Variants in DNER observed in about 807,000 individuals in gnomAD.
The protein encoded by DNER is delta and Notch-like epidermal growth factor-related receptor.
A neutral mutation model predicts 78.2 loss-of-function variants in DNER; 33 were observed. That is an observed-to-expected ratio of 0.42 (90% CI 0.32 to 0.56). The LOEUF is 0.56. DNER is among the 20% of genes least tolerant of loss of function. The pLI, the probability that DNER is intolerant of heterozygous loss-of-function variation, is 0.11. For synonymous variants in DNER, 417 were observed against 384.8 expected (o/e 1.08, Z -0.98); for missense variants, 918 against 975.3 (o/e 0.94, Z 0.78).
chr2:229,596,937 G>T (rs1697725639), intron 1 of DNER, among the ~76,000 whole-genome samples: 1 of 151,912 alleles, frequency 6.6e-6, no homozygotes, highest in South Asian at 2.1e-4. Flanking sequence ...ACACGCACAT[G>T]CACATGCATG....
At chr2:229,706,152 C>A (rs762951452) in intron 1 of DNER, among the ~76,000 whole-genome samples, 5 of 151,976 alleles carry the variant, frequency 3.3e-5, no homozygotes, top group African/African-American at 7.3e-5. Context: ...AGCCTTGGGC[C>A]AAGTCCAATA....
chr2:229,649,116 T>G (rs1698768811), intron 1 of DNER, among the ~76,000 whole-genome samples: 1 of 152,230 alleles, frequency 6.6e-6, no homozygotes. Flanking sequence ...AAGAAAAGGC[T>G]GGACAACAGC....
At chr2:229,447,783 T>C (rs2193899) in intron 7 of DNER, among the ~76,000 whole-genome samples, 16,874 of 152,160 alleles carry the variant, frequency 0.11, 1,110 homozygotes, top group South Asian at 0.23. Context: ...TAGGAGTACA[T>C]ACATACGTGT....
At chr2:229,362,777 C>T (rs1262864318) in intron 12 of DNER, among the ~76,000 whole-genome samples, 4 of 152,186 alleles carry the variant, frequency 2.6e-5, no homozygotes, top group Admixed American at 6.5e-5. Context: ...TCAGTTAGCA[C>T]GGACATCTCA....
intron 1 of DNER, among the ~76,000 whole-genome samples, chr2:229,677,343 A>G (rs1289694031): frequency 6.6e-6 from 1 of 152,158 alleles, no homozygotes; most frequent in Non-Finnish European, 1.5e-5. Context: ...CCATATCATG[A>G]GCTCGATCAC....
intron 1 of DNER, among the ~76,000 whole-genome samples, chr2:229,633,720 A>G (rs1472200861): frequency 6.6e-6 from 1 of 152,166 alleles, no homozygotes; most frequent in African/African-American, 2.4e-5. Context: ...GCCTGTTCCC[A>G]AGAGCTGGGA....
At chr2:229,655,006 C>T (rs551018964) in intron 1 of DNER, among the ~76,000 whole-genome samples, 3 of 152,038 alleles carry the variant, frequency 2.0e-5, no homozygotes, top group Non-Finnish European at 4.4e-5. Flanking sequence ...AAACATCTTT[C>T]AGATGTTTTA....
chr2:229,695,975 G>A (rs572349648), intron 1 of DNER, among the ~76,000 whole-genome samples: 3 of 152,232 alleles, frequency 2.0e-5, no homozygotes, highest in East Asian at 1.9e-4. Flanking sequence ...TGTGCATTAG[G>A]AGACAAACTG....
chr2:229,502,981 AGTGCACTG>A (rs1695652182), intron 6 of DNER, among the ~76,000 whole-genome samples: 1 of 152,164 alleles, frequency 6.6e-6, no homozygotes, highest in African/African-American at 2.4e-5. Context: ...CAAGGTAGAG[AGTGCACTG>A]GTAATAACAA....
chr2:229,509,571 T>A (rs1052641409), intron 6 of DNER, among the ~76,000 whole-genome samples: 2 of 152,220 alleles, frequency 1.3e-5, no homozygotes, highest in Non-Finnish European at 2.9e-5. Context: ...TCCAGGACTT[T>A]GGGAGGCCGA....
Position 229,512,847 on chromosome 2 carries a change from G to T in DNER, c.1083C>A (p.Asn361Lys). ...TTTCATTTGCATCAATACAGCTCGC[G>T]TTGTTTTGGCAAGGTTTCCTCTGGC... ...DACQRKPCQNNASCIDANEKQ... is the reference protein window; with the variant it reads ...DACQRKPCQNKASCIDANEKQ... The change falls in exon 6 of 13, where the codon AAC (asparagine) becomes AAA (lysine). Residue 361 changes from asparagine (N) to lysine (K), a missense_variant. Transcript: ENST00000341772. The T allele has an allele frequency of 6.2e-7, 1 of 1,614,148 alleles. No individual in the cohort carries two copies. The highest frequency in any genetic ancestry group is 8.5e-7 in the Non-Finnish European group (1 of 1,180,020).
chr2:229,612,861 T>C (rs1263983623), intron 1 of DNER, among the ~76,000 whole-genome samples: 1 of 152,338 alleles, frequency 6.6e-6, no homozygotes, highest in South Asian at 2.1e-4. Flanking sequence ...ATAAAAAATC[T>C]TAAAGTGACA....
chr2:229,527,295 A>C (rs540630860), intron 5 of DNER, among the ~76,000 whole-genome samples: 1 of 152,110 alleles, frequency 6.6e-6, no homozygotes, highest in Admixed American at 6.5e-5. Context: ...AGATATGTGC[A>C]CATATCTGAC....
rs1045467707 is a variant in DNER, at chr2:229,623,306, A to C, written c.277-31418T>G. 2.0e-5 allele frequency among the ~76,000 whole-genome samples: 3 copies of C among 152,048 alleles called. No homozygotes were observed. The East Asian group carries it at 5.8e-4, about 29-fold the overall frequency. ...AAGTGGTTAAGAACCAGTGCTCCTC[A>C]TGAGCTAATCTCCACCCACCTTCTT... On this transcript the variant is annotated intron_variant, in intron 1 of 12. Coordinates refer to ENST00000341772, the MANE Select transcript of DNER (RefSeq NM_139072.4).
chr2:229,690,095 G>A (rs1699543324), intron 1 of DNER, among the ~76,000 whole-genome samples: 1 of 152,200 alleles, frequency 6.6e-6, no homozygotes, highest in Non-Finnish European at 1.5e-5. Context: ...TCAACCCCTA[G>A]TAGTCCGCAG....
At chr2:229,687,263 CTTTT>C (rs555202828) in intron 1 of DNER, among the ~76,000 whole-genome samples, 4 of 127,728 alleles carry the variant, frequency 3.1e-5, no homozygotes, top group Admixed American at 8.0e-5. Flanking sequence ...TTTCCAACTT[CTTTT>C]TTTTTTTTTT....
intron 1 of DNER, among the ~76,000 whole-genome samples, chr2:229,678,654 C>T (rs1480832926): frequency 1.3e-5 from 2 of 152,140 alleles, no homozygotes; most frequent in African/African-American, 4.8e-5. Flanking sequence ...CAGAACCCGC[C>T]CTATATGATC....
intron 6 of DNER, among the ~76,000 whole-genome samples, chr2:229,487,417 A>G (rs1315426773): frequency 1.3e-5 from 2 of 152,132 alleles, no homozygotes; most frequent in East Asian, 1.9e-4. Context: ...CAGTCCATCT[A>G]TATCTTTTAA....
intron 1 of DNER, among the ~76,000 whole-genome samples, chr2:229,597,321 G>A (rs147890360): frequency 6.6e-6 from 1 of 152,278 alleles, no homozygotes; most frequent in East Asian, 1.9e-4. Context: ...ATTCATAACA[G>A]CATATATAAG....
Sources: allele counts gnomAD v4.1 joint callset (sites outside exome capture counted in the v4.1 genomes callset), GRCh38; gene constraint gnomAD v4.1.1; transcripts MANE v1.5; gene names NCBI Gene and HGNC (gene_info 2026-07-23, HGNC 2026-07-21).